Variants in PTGS1 observed in about 807,000 individuals in gnomAD.
PTGS1 encodes the protein prostaglandin G/H synthase 1.
Under a neutral mutation model 63.0 loss-of-function variants are expected in PTGS1, and 40 were observed. The ratio of observed to expected loss-of-function variants is 0.63; its 90% CI spans 0.49 to 0.83. The LOEUF is 0.83. Ranked by LOEUF, PTGS1 falls within the 40% of genes least tolerant of loss-of-function variation. PTGS1 has a pLI of 0.00. For missense variants in PTGS1, 709 were observed against 786.5 expected (o/e 0.90, Z 1.18); for synonymous variants, 298 against 301.9 (o/e 0.99, Z 0.13).
At position 122,386,598 on chromosome 9, in the gene PTGS1, C is replaced by A; in HGVS notation, c.1162C>A (p.Pro388Thr). Residue 388 changes from proline to threonine, a missense_variant, in exon 9 of 11, where the codon CCC becomes ACC. Coordinates refer to ENST00000362012, the MANE Select transcript of PTGS1 (RefSeq NM_000962.4). The part of the protein sequence containing the change: ...MEFNHLYHWH[P>T]LMPDSFKVGS... The stretch of plus-strand genomic sequence containing the variant: ...GTTCAACCATCTCTACCACTGGCAC[C>A]CCCTCATGCCTGACTCCTTCAAGGT... 3 of 1,614,198 alleles carry A rather than the reference C, an allele frequency of 1.9e-6. No individual in the cohort carries two copies. Among genetic ancestry groups the A allele is most frequent in the East Asian group, 2.2e-5 (1 of 44,874 alleles).
At chr9:122,384,048 A>G (rs1459610992) in intron 8 of PTGS1, among the ~76,000 whole-genome samples, 1 of 151,966 alleles carries the variant, frequency 6.6e-6, no homozygotes, top group African/African-American at 2.4e-5. Context: ...TAGCTGGGTG[A>G]CTCAGCACAT....
chr9:122,386,849 T>C, intron 9 of PTGS1, 117 bp downstream of exon 9: 2 of 1,207,156 alleles, frequency 1.7e-6, no homozygotes, highest in East Asian at 2.5e-5. Context: ...TACAGGGCAG[T>C]TGTAAGCATT....
Position 122,390,267 on chromosome 9 carries a change from G to C in PTGS1, c.1366G>C (p.Glu456Gln), listed in dbSNP as rs1376665437. Residue 456 changes from glutamate to glutamine, a missense_variant, in exon 10 of 11, where the codon GAG (glutamate) becomes CAG (glutamine). Physicochemically the swap from Glu to Gln is conservative, Grantham distance 29. Coordinates refer to ENST00000362012, the MANE Select transcript of PTGS1 (RefSeq NM_000962.4). Reference protein sequence around the residue: ...VAVDVIRESREMRLQPFNEYR... With the variant: ...VAVDVIRESRQMRLQPFNEYR... ...TGTGGATGTCATCAGGGAGTCTCGG[G>C]AGATGCGGCTGCAGCCCTTCAATGA... 1.2e-6 allele frequency: 2 copies of C among 1,614,200 alleles called. No homozygotes were observed. The highest frequency in any genetic ancestry group is 2.2e-5 in the East Asian group (1 of 44,876).
Position 122,381,247 on chromosome 9 carries a change from G to A in PTGS1, c.497-124G>A, listed in dbSNP as rs551445516. 1.2e-5 allele frequency: 11 copies of A among 885,738 alleles called. No homozygotes were observed. The African/African-American group carries it at 1.9e-4, about 15-fold the overall frequency. The allele number at this position is 885,738 out of a possible 1,614,324, so 54.9% of individuals were successfully genotyped here. ...GTGGGTTACTTGGTGGTGGTGGGGA[G>A]GTGGTCCTGAGGAGGCCACTCTGGG... On this transcript the variant is annotated intron_variant, in intron 5 of 10. Transcript: ENST00000362012.
At chr9:122,384,628 C>T (rs1437168483) in intron 8 of PTGS1, among the ~76,000 whole-genome samples, 1 of 152,112 alleles carries the variant, frequency 6.6e-6, no homozygotes, top group Admixed American at 6.5e-5. Flanking sequence ...GGTATGATTA[C>T]CCTGTGAAAA....
intron 8 of PTGS1, among the ~76,000 whole-genome samples, chr9:122,384,509 C>T (rs1837750482): frequency 1.3e-5 from 2 of 152,248 alleles, no homozygotes; most frequent in South Asian, 4.2e-4. Context: ...TTGCAAAGAC[C>T]TTGACCTGAG....
intron 2 of PTGS1, among the ~76,000 whole-genome samples, chr9:122,375,054 G>A (rs997101078): frequency 2.0e-5 from 3 of 152,190 alleles, no homozygotes; most frequent in Admixed American, 6.5e-5. Flanking sequence ...CTTTCTGGCT[G>A]GGCTGTGATG....
intron 2 of PTGS1, among the ~76,000 whole-genome samples, chr9:122,375,115 C>T (rs1837041394): frequency 6.6e-6 from 1 of 152,180 alleles, no homozygotes; most frequent in Non-Finnish European, 1.5e-5. Context: ...CACCCTGACA[C>T]CTTGGGGCAC....
intron 7 of PTGS1, 104 bp from the exon 8 acceptor site, chr9:122,383,405 G>T: frequency 1.4e-6 from 2 of 1,475,862 alleles, no homozygotes; most frequent in Non-Finnish European, 1.8e-6. Flanking sequence ...CAACAGCCTT[G>T]GCTGAGGGGA....
chr9:122,388,327 A>G (rs1450779935), intron 9 of PTGS1, among the ~76,000 whole-genome samples: 1 of 151,840 alleles, frequency 6.6e-6, no homozygotes, highest in Non-Finnish European at 1.5e-5. Flanking sequence ...ATTATAGGCG[A>G]CTCTCAGGAT....
At chr9:122,386,302 G>A (rs1837869462) in intron 8 of PTGS1, 144 bp from the exon 9 acceptor site, 5 of 960,274 alleles carry the variant, frequency 5.2e-6, no homozygotes, top group Non-Finnish European at 7.8e-6. Flanking sequence ...GACCTTGTCT[G>A]TAAAAATAAA....
At chr9:122,379,115 C>T (rs139519308) in intron 5 of PTGS1, among the ~76,000 whole-genome samples, 197 bp downstream of exon 5, 2 of 152,308 alleles carry the variant, frequency 1.3e-5, no homozygotes, top group East Asian at 3.9e-4. Flanking sequence ...CACCTAGAGT[C>T]AGACCAATGT....
At chr9:122,382,387 C>T (rs1837581326) in intron 7 of PTGS1, among the ~76,000 whole-genome samples, 1 of 152,154 alleles carries the variant, frequency 6.6e-6, no homozygotes, top group Admixed American at 6.5e-5. Flanking sequence ...GTATATTTCA[C>T]ACTCACAGGG....
chr9:122,391,834 G>A (rs577909614), intron 10 of PTGS1, among the ~76,000 whole-genome samples: 124 of 152,246 alleles, frequency 8.1e-4, no homozygotes, highest in African/African-American at 2.8e-3. Context: ...ATCTGTCTGT[G>A]AAGGAAGCCA....
At chr9:122,391,414 TATATATATATATAC>T (rs1256432296) in intron 10 of PTGS1, among the ~76,000 whole-genome samples, 1,730 of 34,436 alleles carry the variant, frequency 0.05, 31 homozygotes, top group Non-Finnish European at 0.054. Context: ...TATATACATA[TATATATATATATAC>T]ATATATATAT....
chr9:122,388,144 C>T (rs995624304), intron 9 of PTGS1, among the ~76,000 whole-genome samples: 1 of 152,116 alleles, frequency 6.6e-6, no homozygotes, highest in African/African-American at 2.4e-5. Flanking sequence ...TGAAAAGCCC[C>T]GGCGTCGTAC....
rs968263590 is a variant in PTGS1 at position 122,372,347 on chromosome 9, C to T, written c.94+1075C>T. Among the ~76,000 whole-genome samples, 20 of 152,168 alleles carry T rather than the reference C, an allele frequency of 1.3e-4. 1 individual carries two copies. The highest frequency in any genetic ancestry group is 5.9e-4 in the Admixed American group (9 of 15,280). ...GCATTTAGGGGACCCAAAGAGAGGA[C>T]GGAGGGTGCTCTAGGAAAGGGATTG... On this transcript the variant is annotated intron_variant, in intron 2 of 10. Transcript: ENST00000362012.
chr9:122,384,826 G>A (rs10306157), intron 8 of PTGS1, among the ~76,000 whole-genome samples: 9,615 of 151,024 alleles, frequency 0.064, 911 homozygotes, highest in African/African-American at 0.21. Context: ...TCCCCCTCGC[G>A]TCTACACTTA....
intron 10 of PTGS1, among the ~76,000 whole-genome samples, chr9:122,391,356 TAC>T (rs1381485513): frequency 3.6e-5 from 3 of 84,160 alleles, no homozygotes; most frequent in Non-Finnish European, 5.9e-5. Flanking sequence ...ACTATATATA[TAC>T]ATATATATAT....
Sources: allele counts gnomAD v4.1 joint callset (sites outside exome capture counted in the v4.1 genomes callset), GRCh38; gene constraint gnomAD v4.1.1; transcripts MANE v1.5; gene names NCBI Gene and HGNC (gene_info 2026-07-23, HGNC 2026-07-21).